The following PTPN2 variants were observed in gnomAD, a reference collection of about 807,000 sequenced individuals.
The protein encoded by PTPN2 is tyrosine-protein phosphatase non-receptor type 2.
Under a neutral mutation model 57.3 loss-of-function variants are expected in PTPN2, and 19 were observed. That is an observed-to-expected ratio of 0.33 (90% CI 0.23 to 0.49). The LOEUF is 0.49. Ranked by LOEUF, PTPN2 falls within the 20% of genes least tolerant of loss-of-function variation. The pLI is 0.99. For missense variants in PTPN2, 358 were observed against 501.1 expected, an observed-to-expected ratio of 0.71 and a Z score of 2.73; for synonymous variants, 153 against 164.9, an observed-to-expected ratio of 0.93 and a Z score of 0.55.
chr18:12,835,263 C>A (rs1220370740), intron 3 of PTPN2, among the ~76,000 whole-genome samples: 4 of 151,978 alleles, frequency 2.6e-5, no homozygotes, highest in Admixed American at 2.6e-4. Context: ...TCTCTATTCC[C>A]AAGCTCCACA....
At position 12,870,446 on chromosome 18, in the gene PTPN2, TATATATATATATATATAG is replaced by T. The variant is rs2044209682; in HGVS notation, c.70-11210_70-11193del. On this transcript the variant is annotated intron_variant, in intron 1 of 8. Transcript: ENST00000309660. ...ATATACGTATATATATATGTGTATA[TATATATATATATATATAG>T]AGAGAGAGAGAGAGAGAGAGAGAGA... Among the ~76,000 whole-genome samples the T allele has an allele frequency of 1.5e-3, 33 of 22,626 alleles. 4 individuals carry two copies. Among genetic ancestry groups the T allele is most frequent in the African/African-American group, 0.01 (28 of 2,680 alleles). The allele number at this position is 22,626 out of a possible 152,430, so 14.8% of individuals were successfully genotyped here. A position where few individuals can be genotyped will look rare whatever the true frequency, so the allele number is the denominator to read the frequency against.
rs568229648 is a variant in PTPN2, at chr18:12,831,036, T to G, written c.267A>C (p.Pro89=). 3 of 1,601,146 alleles carry G rather than the reference T, an allele frequency of 1.9e-6. No homozygotes were observed. In the African/African-American group the frequency reaches 4.0e-5, roughly 21 times the overall value. Residue 89 remains proline (P), a synonymous_variant, in exon 4 of 9, where the codon CCA becomes CCC. Coordinates refer to ENST00000309660, the MANE Select transcript of PTPN2 (RefSeq NM_002828.4). The part of the protein sequence containing the change: ...AQRSYILTQG[P]LPNTCCHFWL... ...AGAAATGGCAGCATGTGTTAGGAAGTGGACCCTGTGAAGAGAGAGGAGAGA... is the reference window on the plus strand; with the variant it reads ...AGAAATGGCAGCATGTGTTAGGAAGGGGACCCTGTGAAGAGAGAGGAGAGA...
chr18:12,860,473 T>G (rs982506669), intron 1 of PTPN2, among the ~76,000 whole-genome samples: 1 of 152,082 alleles, frequency 6.6e-6, no homozygotes, highest in Non-Finnish European at 1.5e-5. Context: ...GGCAGGCACC[T>G]GTAATCCCAG....
At chr18:12,859,109 T>C in intron 2 of PTPN2, 55 bp downstream of exon 2, 2 of 1,361,962 alleles carry the variant, frequency 1.5e-6, no homozygotes. Context: ...CACTACATCC[T>C]GCCTCCTAAA....
intron 7 of PTPN2, among the ~76,000 whole-genome samples, chr18:12,810,921 G>C (rs1020060917): frequency 6.6e-6 from 1 of 152,150 alleles, no homozygotes; most frequent in African/African-American, 2.4e-5. Context: ...GAGTAATTAA[G>C]GATGTCTTCA....
chr18:12,833,769 C>A (rs2042752492), intron 3 of PTPN2, among the ~76,000 whole-genome samples: 1 of 151,926 alleles, frequency 6.6e-6, no homozygotes, highest in South Asian at 2.1e-4. Context: ...CTGAAAAAAG[C>A]GAGGGGCAAT....
intron 5 of PTPN2, among the ~76,000 whole-genome samples, chr18:12,825,324 C>T (rs1598795963): frequency 6.6e-6 from 1 of 152,260 alleles, no homozygotes; most frequent in Admixed American, 6.5e-5. Context: ...TTGGCAGTCA[C>T]AGGTCCTGGG....
chr18:12,795,988 T>C (rs555778373), intron 8 of PTPN2, among the ~76,000 whole-genome samples: 1 of 150,616 alleles, frequency 6.6e-6, no homozygotes, highest in South Asian at 2.1e-4. Flanking sequence ...TGCTTAAAAA[T>C]CTCAAATGCC....
At chr18:12,876,685 G>C (rs78860882) in intron 1 of PTPN2, among the ~76,000 whole-genome samples, 15,765 of 152,224 alleles carry the variant, frequency 0.1, 1,010 homozygotes, top group Non-Finnish European at 0.15. Context: ...TTTACCTTTT[G>C]AGGGATCACA....
intron 7 of PTPN2, among the ~76,000 whole-genome samples, chr18:12,810,092 G>A (rs2041838768): frequency 6.6e-6 from 1 of 152,204 alleles, no homozygotes; most frequent in Admixed American, 6.5e-5. Context: ...TGAGGTAGAA[G>A]AATTGCTTGA....
chr18:12,788,844 T>C (rs962038626), downstream of PTPN2, among the ~76,000 whole-genome samples: 27 of 152,094 alleles, frequency 1.8e-4, no homozygotes, highest in Non-Finnish European at 5.9e-5. Context: ...TCAATGCTGT[T>C]CTTGGAGCAA....
At position 12,794,059 on chromosome 18, in the gene PTPN2, CTTTA is replaced by C. The variant is rs1278090647; in HGVS notation, c.*215_*218del. 47 of 1,407,820 alleles carry C rather than the reference CTTTA, an allele frequency of 3.3e-5. No homozygotes were observed. Among genetic ancestry groups the C allele is most frequent in the South Asian group, 1.6e-5 (1 of 61,400 alleles). 87.2% of individuals were successfully genotyped at this position (1,407,820 alleles called of 1,614,324 possible). ...ACCAGTTTTTAACAAACATGAATGT[CTTTA>C]TTTTAGACAGCCATTTACAGTTTGG... On this transcript the variant is annotated 3_prime_UTR_variant, in exon 9 of 9. Transcript: ENST00000309660.
chr18:12,795,459 A>G (rs191122018), intron 8 of PTPN2, among the ~76,000 whole-genome samples: 15 of 152,076 alleles, frequency 9.9e-5, no homozygotes, highest in African/African-American at 3.6e-4. Flanking sequence ...ACGCCTGGCT[A>G]ATTTTTTTGT....
chr18:12,835,725 T>C (rs2042840325), intron 3 of PTPN2, among the ~76,000 whole-genome samples: 1 of 152,126 alleles, frequency 6.6e-6, no homozygotes, highest in African/African-American at 2.4e-5. Flanking sequence ...TAGACTTTCT[T>C]GGTCGGTCAG....
At chr18:12,843,113 T>C (rs1317069587) in intron 2 of PTPN2, among the ~76,000 whole-genome samples, 1 of 152,078 alleles carries the variant, frequency 6.6e-6, no homozygotes, top group Non-Finnish European at 1.5e-5. Context: ...GATTCTGATC[T>C]CTCTTTTGGC....
rs1007687769 is a variant in PTPN2 at position 12,802,060 on chromosome 18, C to A, written c.950G>T (p.Arg317Ile). ...CAGTTTTTCTTCTTCTAGACCTATT[C>A]TGTTCCCATTGTATTTTTCAGTCAT... ...KIMTEKYNGNRIGLEEEKLTG... is the reference protein window; with the variant it reads ...KIMTEKYNGNIIGLEEEKLTG... Residue 317 changes from arginine to isoleucine, a missense_variant, in exon 8 of 9, where the codon AGA becomes ATA. Transcript: ENST00000309660. 1.9e-6 allele frequency: 3 copies of A among 1,612,834 alleles called. No homozygotes were observed. The highest frequency in any genetic ancestry group is 3.3e-5 in the Admixed American group (2 of 59,966).
At chr18:12,847,672 G>T (rs1214228705) in intron 2 of PTPN2, among the ~76,000 whole-genome samples, 4 of 150,156 alleles carry the variant, frequency 2.7e-5, no homozygotes, top group African/African-American at 9.8e-5. Flanking sequence ...GCCCAGGCTG[G>T]AATGCAATGG....
intron 2 of PTPN2, chr18:12,840,959 A>G (rs187482014): frequency 1.4e-6 from 2 of 1,463,732 alleles, no homozygotes; most frequent in African/African-American, 2.8e-5. Context: ...CCCTGCATTG[A>G]ATACTTTCAG....
chr18:12,838,752 T>G (rs2042952993), intron 2 of PTPN2, among the ~76,000 whole-genome samples: 1 of 134,184 alleles, frequency 7.5e-6, no homozygotes, highest in African/African-American at 2.5e-5. Context: ...GGGAAAACTC[T>G]ATAGCTATTT....
Sources: allele counts gnomAD v4.1 joint callset (sites outside exome capture counted in the v4.1 genomes callset), GRCh38; gene constraint gnomAD v4.1.1; transcripts MANE v1.5; gene names NCBI Gene and HGNC (gene_info 2026-07-23, HGNC 2026-07-21).